Variants in NMNAT3 observed in about 807,000 individuals in gnomAD.
NMNAT3 encodes the protein nicotinamide/nicotinic acid mononucleotide adenylyltransferase 3.
In NMNAT3, 21 loss-of-function variants were observed where a neutral mutation model predicts 24.8. The ratio of observed to expected loss-of-function variants is 0.85; its 90% CI spans 0.60 to 1.22. The LOEUF (loss-of-function observed/expected upper bound fraction) is 1.22. NMNAT3 is among the 50% of genes most tolerant of loss of function. The pLI is 0.00. For synonymous variants in NMNAT3, 136 were observed against 155.2 expected (o/e 0.88, Z 0.92); for missense variants, 387 against 436.6 (o/e 0.89, Z 1.01).
chr3:139,635,143 T>C (rs923008487), intron 2 of NMNAT3: 2 of 152,346 alleles, frequency 1.3e-5, no homozygotes, highest in East Asian at 3.9e-4. Context: ...ACATAATTTG[T>C]CACTCCCTAT....
chr3:139,673,030 A>T (rs2057807822), intron 1 of NMNAT3, among the ~76,000 whole-genome samples: 2 of 152,330 alleles, frequency 1.3e-5, no homozygotes, highest in South Asian at 4.1e-4. Context: ...TCCGGACAAC[A>T]GCAGTCAGCA....
Position 139,582,821 on chromosome 3 carries a change from T to C in NMNAT3, c.391+106A>G, listed in dbSNP as rs1297854398. On this transcript the variant is annotated intron_variant, in intron 4 of 6. Transcript: ENST00000643695. ...AATAAAGTAAATGTGGCAAAATATA[T>C]AGGTATTCAATGCAACTCTTCTTTC... is the stretch of plus-strand genomic sequence containing the variant. 5.1e-6 allele frequency: 3 copies of C among 584,460 alleles called. No individual in the cohort carries two copies. The Admixed American group carries it at 9.6e-5, about 19-fold the overall frequency. 36.2% of individuals were successfully genotyped at this position (584,460 alleles called of 1,614,324 possible).
At chr3:139,658,587 C>T (rs1031855533) in intron 1 of NMNAT3, among the ~76,000 whole-genome samples, 1 of 152,202 alleles carries the variant, frequency 6.6e-6, no homozygotes, top group African/African-American at 2.4e-5. Flanking sequence ...TGGATATTCA[C>T]CACCTAGATT....
At chr3:139,584,785 T>G (rs1472296536) in intron 3 of NMNAT3, among the ~76,000 whole-genome samples, 1 of 152,210 alleles carries the variant, frequency 6.6e-6, no homozygotes, top group Non-Finnish European at 1.5e-5. Flanking sequence ...AGAATGCATA[T>G]TCTATGGTTG....
At chr3:139,622,831 AATATATATT>A (rs988016535) in intron 3 of NMNAT3, among the ~76,000 whole-genome samples, 37 of 130,828 alleles carry the variant, frequency 2.8e-4, no homozygotes, top group African/African-American at 7.2e-4. Context: ...TATGATATAT[AATATATATT>A]ATATATATTA....
intron 3 of NMNAT3, among the ~76,000 whole-genome samples, chr3:139,625,633 T>C (rs2056017705): frequency 6.6e-6 from 1 of 152,180 alleles, no homozygotes; most frequent in Non-Finnish European, 1.5e-5. Context: ...TCTACATAGG[T>C]TATAAATCCC....
At chr3:139,649,742 A>G (rs1280070217) in intron 1 of NMNAT3, among the ~76,000 whole-genome samples, 1 of 152,114 alleles carries the variant, frequency 6.6e-6, no homozygotes, top group Non-Finnish European at 1.5e-5. Flanking sequence ...CTCTGAGTGC[A>G]CCCCAAAACA....
chr3:139,580,017 T>C (rs1029465513), intron 4 of NMNAT3, among the ~76,000 whole-genome samples: 4 of 152,204 alleles, frequency 2.6e-5, no homozygotes, highest in Non-Finnish European at 5.9e-5. Context: ...TGGGTTCACT[T>C]TGCTAATTTG....
At chr3:139,598,765 C>G (rs528801350) in intron 3 of NMNAT3, among the ~76,000 whole-genome samples, 1 of 152,242 alleles carries the variant, frequency 6.6e-6, no homozygotes, top group South Asian at 2.1e-4. Flanking sequence ...AATGGAGATT[C>G]AAAAAGTTTA....
intron 6 of NMNAT3, among the ~76,000 whole-genome samples, chr3:139,573,217 CTT>C (rs1938694702): frequency 6.6e-6 from 1 of 152,104 alleles, no homozygotes; most frequent in African/African-American, 2.4e-5. Flanking sequence ...GTCTTAGTCT[CTT>C]TGTTCAAGTT....
At chr3:139,666,548 A>G (rs1022940043) in intron 1 of NMNAT3, among the ~76,000 whole-genome samples, 10 of 152,248 alleles carry the variant, frequency 6.6e-5, no homozygotes, top group African/African-American at 2.4e-4. Flanking sequence ...GTAATGATGA[A>G]GAAATCCATA....
chr3:139,579,100 C>A lies in NMNAT3; in HGVS notation c.392-45G>T, dbSNP rs1229560885. The A allele has an allele frequency of 3.9e-6, 6 of 1,528,880 alleles. No individual in the cohort carries two copies. In the East Asian group the frequency reaches 1.4e-4, roughly 35 times the overall value. 94.7% of individuals were successfully genotyped at this position (1,528,880 alleles called of 1,614,324 possible). On this transcript the variant is annotated intron_variant, in intron 4 of 6. Transcript: ENST00000643695. ...GGTGTTGCACATACAGACAGATGCT[C>A]ACCACCTGGCAGCCTGAATTCAGGC...
intron 6 of NMNAT3, chr3:139,569,838 G>T (rs1464468331): frequency 6.6e-6 from 1 of 152,032 alleles, no homozygotes; most frequent in Non-Finnish European, 1.5e-5. Context: ...TGCTCTTCTC[G>T]AGAAGTATCT....
chr3:139,631,246 C>T (rs549592682), intron 2 of NMNAT3, among the ~76,000 whole-genome samples: 11 of 152,222 alleles, frequency 7.2e-5, no homozygotes, highest in East Asian at 1.9e-4. Context: ...AGGGTCAGTG[C>T]ACCTGTACCA....
chr3:139,593,830 A>G (rs1437903215), intron 3 of NMNAT3, among the ~76,000 whole-genome samples: 2 of 147,832 alleles, frequency 1.4e-5, no homozygotes, highest in Non-Finnish European at 3.0e-5. Context: ...AGGGAAATTT[A>G]TAGCACTAAA....
chr3:139,602,498 G>T (rs1441358865), intron 3 of NMNAT3, among the ~76,000 whole-genome samples: 1 of 152,228 alleles, frequency 6.6e-6, no homozygotes, highest in African/African-American at 2.4e-5. Flanking sequence ...AGTGAAGTCT[G>T]CATTGATGTC....
At chr3:139,675,141 C>CACACACACAAACACAA (rs1196370317) in intron 1 of NMNAT3, among the ~76,000 whole-genome samples, 1 of 151,728 alleles carries the variant, frequency 6.6e-6, no homozygotes, top group African/African-American at 2.4e-5. Context: ...AACATACACA[C>CACACACACAAACACAA]ACACACACAC....
At chr3:139,600,166 G>A (rs2054647663) in intron 3 of NMNAT3, among the ~76,000 whole-genome samples, 1 of 152,210 alleles carries the variant, frequency 6.6e-6, no homozygotes, top group Non-Finnish European at 1.5e-5. Context: ...GCCTGAGCTT[G>A]TCAGTATGAG....
intron 3 of NMNAT3, among the ~76,000 whole-genome samples, chr3:139,585,625 A>G (rs1384295013): frequency 6.6e-6 from 1 of 152,224 alleles, no homozygotes; most frequent in African/African-American, 2.4e-5. Flanking sequence ...TGCTTTTGCC[A>G]GGCACCTAAA....
Sources: allele counts gnomAD v4.1 joint callset (sites outside exome capture counted in the v4.1 genomes callset), GRCh38; gene constraint gnomAD v4.1.1; transcripts MANE v1.5; gene names NCBI Gene and HGNC (gene_info 2026-07-23, HGNC 2026-07-21).